Variants in TMC1 observed in about 807,000 individuals in gnomAD.
The protein encoded by TMC1 is transmembrane channel like 1, also known as transmembrane channel-like protein 1.
A neutral mutation model predicts 105.8 loss-of-function variants in TMC1; 84 were observed. The observed-to-expected ratio is 0.79, with a 90% confidence interval of 0.67 to 0.95. The LOEUF is 0.95. TMC1 is among the 40% of genes least tolerant of loss of function. TMC1 has a pLI of 0.00. For missense variants in TMC1, 817 were observed against 914.1 expected (o/e 0.89, Z 1.37); for synonymous variants, 315 against 311.5 (o/e 1.01, Z -0.12).
chr9:72,564,971 CG>C (rs1323381205), intron 1 of TMC1, among the ~76,000 whole-genome samples: 2 of 152,120 alleles, frequency 1.3e-5, no homozygotes, highest in African/African-American at 4.8e-5. Context: ...TAACTACTTA[CG>C]TATGTAATTT....
rs1458511129 is a variant in TMC1, at chr9:72,621,868, C to T, written c.-196+5391C>T. On this transcript the variant is annotated intron_variant, in intron 3 of 23. Coordinates refer to ENST00000297784, the MANE Select transcript of TMC1 (RefSeq NM_138691.3). ...AAATAGTTTGTCTTGTTAATTCTACCTCTTGGAATCTATCCTAAGGAAAAT... is the reference window on the plus strand; with the variant it reads ...AAATAGTTTGTCTTGTTAATTCTACTTCTTGGAATCTATCCTAAGGAAAAT... Among the ~76,000 whole-genome samples, 3 of 152,022 alleles carry T rather than the reference C, an allele frequency of 2.0e-5. No individual in the cohort carries two copies. The East Asian group carries it at 5.8e-4, about 29-fold the overall frequency.
intron 15 of TMC1, among the ~76,000 whole-genome samples, chr9:72,789,618 T>C (rs770077646): frequency 6.6e-6 from 1 of 152,252 alleles, no homozygotes; most frequent in African/African-American, 2.4e-5. Context: ...GATTGCATTA[T>C]ATGTTTATGG....
intron 1 of TMC1, among the ~76,000 whole-genome samples, chr9:72,563,703 A>G (rs577091153): frequency 9.5e-4 from 144 of 152,162 alleles, no homozygotes; most frequent in African/African-American, 3.3e-3. Context: ...GCTCGAGACC[A>G]GCCTGGCCAA....
At chr9:72,525,140 A>G (rs957986834) in intron 1 of TMC1, among the ~76,000 whole-genome samples, 1 of 152,246 alleles carries the variant, frequency 6.6e-6, no homozygotes, top group African/African-American at 2.4e-5. Context: ...AGGTGTCCAA[A>G]TATAATAGCT....
intron 5 of TMC1, among the ~76,000 whole-genome samples, chr9:72,669,538 C>A (rs1826095963): frequency 6.6e-6 from 1 of 152,082 alleles, no homozygotes; most frequent in Non-Finnish European, 1.5e-5. Context: ...ATAAACATTT[C>A]TGCATGTCAT....
intron 20 of TMC1, among the ~76,000 whole-genome samples, chr9:72,825,626 T>C (rs576055273): frequency 1.3e-5 from 2 of 152,260 alleles, no homozygotes; most frequent in African/African-American, 4.8e-5. Flanking sequence ...TGACCTGAGG[T>C]GCTGGAGAAG....
chr9:72,613,986 GAGAA>G (rs1330731635), intron 2 of TMC1, among the ~76,000 whole-genome samples: 2 of 152,162 alleles, frequency 1.3e-5, no homozygotes, highest in African/African-American at 4.8e-5. Flanking sequence ...ATTTCAGAAT[GAGAA>G]AGAGAGGAAA....
chr9:72,651,450 C>T (rs1269728035), intron 5 of TMC1: 1 of 151,962 alleles, frequency 6.6e-6, no homozygotes, highest in Non-Finnish European at 1.5e-5. Context: ...TAGCACAGGC[C>T]CTAAAATCTC....
chr9:72,745,580 T>C (rs1827477121), intron 10 of TMC1, among the ~76,000 whole-genome samples: 2 of 152,316 alleles, frequency 1.3e-5, no homozygotes, highest in South Asian at 4.1e-4. Context: ...GTACTGATTT[T>C]AATGATAACC....
chr9:72,655,717 G>A (rs529255881), intron 5 of TMC1: 96 of 429,066 alleles, frequency 2.2e-4, no homozygotes, highest in African/African-American at 1.8e-3. Context: ...ACTCCAGCCC[G>A]GGCGACAGAC....
intron 18 of TMC1, among the ~76,000 whole-genome samples, chr9:72,810,118 G>A (rs1828674259): frequency 6.7e-6 from 1 of 149,048 alleles, no homozygotes. Flanking sequence ...AGATAGTGTG[G>A]GCAATCCAGG....
At chr9:72,617,122 G>A (rs148067155) in intron 3 of TMC1, among the ~76,000 whole-genome samples, 4 of 151,832 alleles carry the variant, frequency 2.6e-5, no homozygotes, top group Non-Finnish European at 4.4e-5. Context: ...TATGAAAAAC[G>A]CTTATGCAGT....
chr9:72,677,798 T>C (rs1826225777), intron 5 of TMC1, among the ~76,000 whole-genome samples: 1 of 152,170 alleles, frequency 6.6e-6, no homozygotes, highest in Non-Finnish European at 1.5e-5. Context: ...TTAGTATTCA[T>C]GCTGGCTTAA....
intron 4 of TMC1, among the ~76,000 whole-genome samples, chr9:72,634,962 A>G (rs1825509815): frequency 6.6e-6 from 1 of 152,172 alleles, no homozygotes; most frequent in Admixed American, 6.5e-5. Context: ...AAGCTCTTCG[A>G]AAAATGTTCT....
intron 1 of TMC1, among the ~76,000 whole-genome samples, chr9:72,552,451 G>A (rs1394108345): frequency 6.6e-6 from 1 of 152,154 alleles, no homozygotes; most frequent in Non-Finnish European, 1.5e-5. Flanking sequence ...CTAACCTTCT[G>A]AGCTGCTTAT....
chr9:72,604,081 T>G (rs1017690977), intron 2 of TMC1, among the ~76,000 whole-genome samples: 1 of 151,962 alleles, frequency 6.6e-6, no homozygotes, highest in Non-Finnish European at 1.5e-5. Flanking sequence ...GGTGTTGTAT[T>G]TAGTTTTAAC....
At chr9:72,762,700 G>T (rs1827775281) in intron 12 of TMC1, among the ~76,000 whole-genome samples, 1 of 152,254 alleles carries the variant, frequency 6.6e-6, no homozygotes, top group Non-Finnish European at 1.5e-5. Flanking sequence ...TTTGGAGGGG[G>T]TGAGGACCCT....
intron 23 of TMC1, 36 bp from the exon 24 acceptor site, chr9:72,835,915 G>GTTTTTTTTTTTTTTTTTTTCTTTT: frequency 1.5e-6 from 2 of 1,314,682 alleles, no homozygotes; most frequent in Non-Finnish European, 1.0e-6. Context: ...CTCTCTCCTT[G>GTTTTTTTTTTTTTTTTTTTCTTTT]TTTTTTTTTT....
Position 72,626,579 on chromosome 9 carries a change from A to G in TMC1, c.-195-1342A>G, listed in dbSNP as rs150813135. 9.2e-3 allele frequency among the ~76,000 whole-genome samples: 1,408 copies of G among 152,346 alleles called. 22 individuals are homozygous for G. Among genetic ancestry groups the G allele is most frequent in the African/African-American group, 0.032 (1,315 of 41,584 alleles). On this transcript the variant is annotated intron_variant, in intron 3 of 23. Coordinates refer to ENST00000297784, the MANE Select transcript of TMC1 (RefSeq NM_138691.3). ...GGAGTGAATAAGGTGATCAAATGGCATCCATCCAAGAGATGATGTCCAGGA... is the reference window on the plus strand; with the variant it reads ...GGAGTGAATAAGGTGATCAAATGGCGTCCATCCAAGAGATGATGTCCAGGA...
Sources: allele counts gnomAD v4.1 joint callset (sites outside exome capture counted in the v4.1 genomes callset), GRCh38; gene constraint gnomAD v4.1.1; transcripts MANE v1.5; gene names NCBI Gene and HGNC (gene_info 2026-07-23, HGNC 2026-07-21).